The following GLI2 variants were observed in gnomAD, a reference collection of about 807,000 sequenced individuals.
GLI2 encodes the protein GLI family zinc finger 2, also known as transcription activator GLI2.
Under a neutral mutation model 78.9 loss-of-function variants are expected in GLI2, and 22 were observed. The observed-to-expected ratio is 0.28, with a 90% CI of 0.20 to 0.40. GLI2 has a LOEUF of 0.40. Ranked by LOEUF, GLI2 falls within the 10% of genes least tolerant of loss-of-function variation. The pLI is 1.00. For synonymous variants in GLI2, 974 were observed against 963.7 expected, an observed-to-expected ratio of 1.01 and a Z score of -0.20; for missense variants, 2,097 against 2,213.2, an observed-to-expected ratio of 0.95 and a Z score of 1.05.
intron 2 of GLI2, among the ~76,000 whole-genome samples, chr2:120,811,540 G>A (rs554143743): frequency 1.3e-5 from 2 of 152,170 alleles, no homozygotes; most frequent in Admixed American, 6.5e-5. Context: ...GGCTCAACGA[G>A]GGGTGGATGA....
In GLI2 at chr2:120,984,555, G is replaced by A. The variant is rs765300859; in HGVS notation, c.1717G>A (p.Gly573Ser). 2.2e-5 allele frequency: 36 copies of A among 1,614,072 alleles called. No homozygotes were observed. Among genetic ancestry groups the A allele is most frequent in the African/African-American group, 4.0e-5 (3 of 74,930 alleles). Reference protein sequence around the residue: ...SLRKHVKTVHGPDAHVTKKQR... With the variant: ...SLRKHVKTVHSPDAHVTKKQR... ...CCGGAAGCATGTGAAAACGGTCCAC[G>A]GCCCAGATGCCCACGTCACCAAGAA... is the stretch of plus-strand genomic sequence containing the variant. The change falls in exon 12 of 14, where the codon GGC becomes AGC. Residue 573 changes from glycine (G) to serine (S), a missense_variant. Transcript: ENST00000361492.
intron 1 of GLI2, among the ~76,000 whole-genome samples, chr2:120,761,232 C>T (rs958878602): frequency 6.6e-6 from 1 of 152,160 alleles, no homozygotes; most frequent in African/African-American, 2.4e-5. Flanking sequence ...AAACTTGGGG[C>T]TTGACCCAGG....
At chr2:120,832,266 A>G (rs894683070) in intron 2 of GLI2, among the ~76,000 whole-genome samples, 2 of 152,230 alleles carry the variant, frequency 1.3e-5, no homozygotes, top group Non-Finnish European at 2.9e-5. Flanking sequence ...CCTGGGGTCA[A>G]TGACTTGAAA....
At chr2:120,927,520 A>T (rs2104870428) in intron 3 of GLI2, 54 bp downstream of exon 3, 1 of 1,231,998 alleles carries the variant, frequency 8.1e-7, no homozygotes, top group Non-Finnish European at 1.2e-6. Flanking sequence ...TGCCATGGGG[A>T]GGCTGGGCCG....
At chr2:120,808,054 G>A (rs889061662) in intron 2 of GLI2, among the ~76,000 whole-genome samples, 2 of 152,166 alleles carry the variant, frequency 1.3e-5, no homozygotes, top group Non-Finnish European at 2.9e-5. Flanking sequence ...TTGAAACCCT[G>A]GCACCAGACA....
chr2:120,784,029 G>A (rs964496060), intron 1 of GLI2, among the ~76,000 whole-genome samples: 8 of 152,190 alleles, frequency 5.3e-5, no homozygotes, highest in Non-Finnish European at 1.0e-4. Context: ...TAAACATCCC[G>A]TTACCAGCTG....
intron 3 of GLI2, among the ~76,000 whole-genome samples, chr2:120,948,904 G>A (rs75456350): frequency 0.022 from 3,364 of 152,236 alleles, 130 homozygotes; most frequent in African/African-American, 0.078. Flanking sequence ...GGGGAGGACC[G>A]AGAAGTCAGG....
chr2:120,925,076 C>T (rs1215474487), intron 2 of GLI2, among the ~76,000 whole-genome samples: 1 of 152,198 alleles, frequency 6.6e-6, no homozygotes, highest in African/African-American at 2.4e-5. Flanking sequence ...ACCTGGTGGT[C>T]CCGTCACAGC....
intron 2 of GLI2, among the ~76,000 whole-genome samples, chr2:120,831,493 C>G (rs1312924213): frequency 6.6e-6 from 1 of 152,168 alleles, no homozygotes; most frequent in African/African-American, 2.4e-5. Flanking sequence ...GGGTGACAGG[C>G]CACAAGCAGG....
intron 5 of GLI2, among the ~76,000 whole-genome samples, chr2:120,966,913 T>C (rs1681885180): frequency 6.6e-6 from 1 of 152,144 alleles, no homozygotes; most frequent in Admixed American, 6.5e-5. Flanking sequence ...GTCAAAGCCA[T>C]CAGGAAAGCT....
intron 1 of GLI2, among the ~76,000 whole-genome samples, chr2:120,790,639 G>C (rs1488886156): frequency 2.0e-5 from 3 of 152,194 alleles, no homozygotes; most frequent in Non-Finnish European, 2.9e-5. Context: ...CACTCTGGAA[G>C]ACCCTTCACA....
At chr2:120,860,186 G>A (rs1209177927) in intron 2 of GLI2, among the ~76,000 whole-genome samples, 1 of 152,284 alleles carries the variant, frequency 6.6e-6, no homozygotes, top group South Asian at 2.1e-4. Flanking sequence ...AAGAAGCAGA[G>A]GTAATGGACC....
At chr2:120,747,145 C>T (rs1682718371) in intron 1 of GLI2, among the ~76,000 whole-genome samples, 1 of 152,178 alleles carries the variant, frequency 6.6e-6, no homozygotes, top group African/African-American at 2.4e-5. Flanking sequence ...AATATTTGGA[C>T]AGCTGTTTTT....
intron 2 of GLI2, among the ~76,000 whole-genome samples, chr2:120,902,194 C>CCA (rs1441794492): frequency 6.8e-6 from 1 of 146,428 alleles, no homozygotes; most frequent in African/African-American, 2.5e-5. Flanking sequence ...CACCCCCCCC[C>CCA]ACCCCCAACC....
chr2:120,848,698 A>G (rs1421726989), intron 2 of GLI2, among the ~76,000 whole-genome samples: 2 of 152,192 alleles, frequency 1.3e-5, no homozygotes, highest in South Asian at 2.1e-4. Flanking sequence ...TCCTCTGTCA[A>G]GAAGGCCACC....
intron 1 of GLI2, among the ~76,000 whole-genome samples, chr2:120,779,806 G>C (rs925558740): frequency 6.6e-6 from 1 of 152,178 alleles, no homozygotes. Flanking sequence ...TAACCACTCC[G>C]CCATCCTGCC....
chr2:120,735,925 C>CT lies in GLI2; in HGVS notation c.-384dup, dbSNP rs1682333617. On this transcript the variant is annotated 5_prime_UTR_variant, in exon 1 of 14. An upstream open reading frame in the 5' UTR loses its in-frame stop. Coordinates refer to ENST00000361492, the MANE Select transcript of GLI2 (RefSeq NM_001374353.1). ...AGCCGAGGCAGCACGGCTCCGCGGA[C>CT]TTTTTTTCAAACTCCCATCAATGAG... 1.3e-5 allele frequency among the ~76,000 whole-genome samples: 2 copies of CT among 151,948 alleles called. No individual in the cohort carries two copies. Among genetic ancestry groups the CT allele is most frequent in the South Asian group, 2.1e-4 (1 of 4,828 alleles).
intron 2 of GLI2, among the ~76,000 whole-genome samples, chr2:120,823,853 G>A (rs1685904732): frequency 6.6e-6 from 1 of 152,194 alleles, no homozygotes; most frequent in Non-Finnish European, 1.5e-5. Context: ...GCCAAGGGAG[G>A]GGTTTCCTTT....
At chr2:120,795,625 G>GTGTC in intron 1 of GLI2, among the ~76,000 whole-genome samples, 1 of 151,370 alleles carries the variant, frequency 6.6e-6, no homozygotes, top group African/African-American at 2.4e-5. Context: ...CTGACCACTG[G>GTGTC]TGTCTGCACA....
Sources: allele counts gnomAD v4.1 joint callset (sites outside exome capture counted in the v4.1 genomes callset), GRCh38; gene constraint gnomAD v4.1.1; transcripts MANE v1.5; gene names NCBI Gene and HGNC (gene_info 2026-07-23, HGNC 2026-07-21).